PIP4K2A: variants seen among roughly 807,000 people sequenced by gnomAD.
The protein encoded by PIP4K2A is phosphatidylinositol 5-phosphate 4-kinase type-2 alpha.
PIP4K2A carries 14 observed loss-of-function variants against 42.9 expected under a neutral mutation model. The ratio of observed to expected loss-of-function variants is 0.33; its 90% CI spans 0.22 to 0.51. The LOEUF (loss-of-function observed/expected upper bound fraction) is 0.51, where lower values mean the gene tolerates loss of function less well. PIP4K2A is among the 20% of genes least tolerant of loss of function. The pLI, the probability that PIP4K2A is intolerant of heterozygous loss-of-function variation, is 0.97. For missense variants in PIP4K2A, 434 were observed against 519.8 expected, an observed-to-expected ratio of 0.83 and a Z score of 1.61; for synonymous variants, 192 against 192.2, an observed-to-expected ratio of 1.00 and a Z score of 0.01.
At chr10:22,691,218 C>A (rs1839860160) in intron 1 of PIP4K2A, among the ~76,000 whole-genome samples, 1 of 152,178 alleles carries the variant, frequency 6.6e-6, no homozygotes, top group Non-Finnish European at 1.5e-5. Flanking sequence ...CAGAGCTCGT[C>A]CCCTGAATAG....
chr10:22,600,946 T>C (rs1837750038), intron 3 of PIP4K2A, among the ~76,000 whole-genome samples: 1 of 151,768 alleles, frequency 6.6e-6, no homozygotes. Context: ...TTAACACTTA[T>C]CAATAATGAA....
At chr10:22,553,789 CTTTTTTTTT>C (rs3074629) in intron 6 of PIP4K2A, among the ~76,000 whole-genome samples, 39 of 118,538 alleles carry the variant, frequency 3.3e-4, no homozygotes, top group African/African-American at 9.9e-4. Flanking sequence ...GGTTGAAAAA[CTTTTTTTTT>C]TTTTTTTTTT....
chr10:22,642,883 A>G (rs905350135), intron 1 of PIP4K2A, among the ~76,000 whole-genome samples: 26 of 152,140 alleles, frequency 1.7e-4, no homozygotes, highest in Admixed American at 3.9e-4. Flanking sequence ...ATTCCTGCCA[A>G]GAAGTTTTCT....
At chr10:22,603,601 A>T (rs1170369985) in intron 3 of PIP4K2A, among the ~76,000 whole-genome samples, 1 of 152,188 alleles carries the variant, frequency 6.6e-6, no homozygotes, top group African/African-American at 2.4e-5. Flanking sequence ...ATAGTTTTTA[A>T]AGAAAGTGAT....
chr10:22,538,399 A>G (rs1005493907), intron 9 of PIP4K2A, among the ~76,000 whole-genome samples: 1 of 150,826 alleles, frequency 6.6e-6, no homozygotes, highest in South Asian at 2.1e-4. Context: ...ATACACTCCA[A>G]TTTCACAGGA....
chr10:22,665,607 T>C (rs74544877), intron 1 of PIP4K2A, among the ~76,000 whole-genome samples: 2 of 45,028 alleles, frequency 4.4e-5, no homozygotes, highest in African/African-American at 1.4e-4. Flanking sequence ...ACACCTGGCT[T>C]TTTTTTTTTT....
chr10:22,628,406 T>C (rs529628447), intron 1 of PIP4K2A, among the ~76,000 whole-genome samples: 53 of 152,176 alleles, frequency 3.5e-4, no homozygotes, highest in African/African-American at 1.2e-3. Context: ...ACAGAAAAAA[T>C]TGTACCCTAA....
rs144492893 is a variant in PIP4K2A, at chr10:22,674,038, T to G, written c.144+40145A>C. Among the ~76,000 whole-genome samples the G allele has an allele frequency of 1.2e-4, 19 of 152,274 alleles. No individual in the cohort carries two copies. The East Asian group carries it at 2.3e-3, about 19-fold the overall frequency. On this transcript the variant is annotated intron_variant, in intron 1 of 9. Coordinates refer to ENST00000376573, the MANE Select transcript of PIP4K2A (RefSeq NM_005028.5). ...ACTTTCTTCAGCAATGTGTGTGTGT[T>G]TTTTTAACCCCATTGTCTTGGTTAT...
intron 1 of PIP4K2A, among the ~76,000 whole-genome samples, chr10:22,689,317 C>T (rs1164741701): frequency 3.9e-5 from 6 of 152,152 alleles, no homozygotes; most frequent in Non-Finnish European, 1.5e-5. Context: ...AACAAAAAAA[C>T]ACTGCTCTGC....
At chr10:22,611,420 A>C (rs1838035984) in intron 1 of PIP4K2A, among the ~76,000 whole-genome samples, 1 of 152,010 alleles carries the variant, frequency 6.6e-6, no homozygotes, top group African/African-American at 2.4e-5. Context: ...AACAACAAAA[A>C]AAAAACAAAA....
At chr10:22,590,664 G>C (rs139910037) in intron 4 of PIP4K2A, among the ~76,000 whole-genome samples, 21 of 152,298 alleles carry the variant, frequency 1.4e-4, no homozygotes, top group African/African-American at 4.8e-4. Context: ...AAGAGTTCAA[G>C]ACCAGCCTGG....
intron 1 of PIP4K2A, among the ~76,000 whole-genome samples, chr10:22,623,797 A>G (rs1383018161): frequency 6.6e-6 from 1 of 152,244 alleles, no homozygotes; most frequent in Non-Finnish European, 1.5e-5. Context: ...AGCTAATGTT[A>G]AACACACAGG....
intron 1 of PIP4K2A, among the ~76,000 whole-genome samples, chr10:22,670,296 T>G (rs1206373908): frequency 2.0e-5 from 3 of 152,156 alleles, no homozygotes; most frequent in Admixed American, 6.5e-5. Context: ...GGAGGATCGC[T>G]TGAGCCCAGG....
At chr10:22,623,831 G>T (rs2130751364) in intron 1 of PIP4K2A, among the ~76,000 whole-genome samples, 1 of 152,330 alleles carries the variant, frequency 6.6e-6, no homozygotes, top group South Asian at 2.1e-4. Context: ...AAGCCACGTG[G>T]CAGGCCTAAG....
At chr10:22,677,290 T>A (rs1181552201) in intron 1 of PIP4K2A, among the ~76,000 whole-genome samples, 3 of 152,132 alleles carry the variant, frequency 2.0e-5, no homozygotes, top group Non-Finnish European at 4.4e-5. Flanking sequence ...TCATAGGGAA[T>A]CAGACTGAGA....
At chr10:22,610,562 T>C (rs1019899054) in intron 1 of PIP4K2A, among the ~76,000 whole-genome samples, 2 of 152,222 alleles carry the variant, frequency 1.3e-5, no homozygotes, top group African/African-American at 4.8e-5. Context: ...AACAAAAGAA[T>C]GAGCTGCTTG....
At chr10:22,618,763 G>A (rs1838245064) in intron 1 of PIP4K2A, among the ~76,000 whole-genome samples, 1 of 152,172 alleles carries the variant, frequency 6.6e-6, no homozygotes, top group African/African-American at 2.4e-5. Context: ...GAACACAGTA[G>A]TAGGCTGCCT....
chr10:22,605,941 G>T (rs1837897018), intron 3 of PIP4K2A, among the ~76,000 whole-genome samples: 1 of 151,874 alleles, frequency 6.6e-6, no homozygotes, highest in Non-Finnish European at 1.5e-5. Context: ...TAACTTCAGA[G>T]AAATGCTTTT....
At chr10:22,713,494 C>T (rs191437215) in intron 1 of PIP4K2A, among the ~76,000 whole-genome samples, 220 of 152,338 alleles carry the variant, frequency 1.4e-3, no homozygotes, top group African/African-American at 5.1e-3. Context: ...GCTCTCCAGC[C>T]CGCACAGCGG....
Sources: allele counts gnomAD v4.1 joint callset (sites outside exome capture counted in the v4.1 genomes callset), GRCh38; gene constraint gnomAD v4.1.1; transcripts MANE v1.5; gene names NCBI Gene and HGNC (gene_info 2026-07-23, HGNC 2026-07-21).